Variants in TBL1XR1 observed in about 807,000 individuals in gnomAD.
TBL1XR1 encodes F-box-like/WD repeat-containing protein TBL1XR1.
A neutral mutation model predicts 66.9 loss-of-function variants in TBL1XR1; 5 were observed. That is an observed-to-expected ratio of 0.07 (90% CI 0.04 to 0.16). The LOEUF is 0.16. Ranked by LOEUF, TBL1XR1 falls within the 10% of genes least tolerant of loss-of-function variation. The probability of loss-of-function intolerance (pLI) is 1.00; values close to 1 mark genes in which losing one functional copy is unlikely to be tolerated. For synonymous variants in TBL1XR1, 210 were observed against 206.0 expected (o/e 1.02, Z -0.17); for missense variants, 238 against 623.2 (o/e 0.38, Z 6.58).
intron 1 of TBL1XR1, among the ~76,000 whole-genome samples, chr3:177,176,015 C>T (rs535242907): frequency 4.0e-5 from 6 of 149,422 alleles, no homozygotes; most frequent in Middle Eastern, 3.4e-3. Context: ...GCCCACATAG[C>T]GCCACTGCAC....
chr3:177,110,853 ACTT>A (rs369067619), intron 1 of TBL1XR1: 5 of 152,200 alleles, frequency 3.3e-5, no homozygotes, highest in Admixed American at 6.6e-5. Context: ...TCTAAGGAAT[ACTT>A]CTTCTAGATA....
chr3:177,044,726 T>C (rs1560110414), intron 10 of TBL1XR1: 1 of 152,194 alleles, frequency 6.6e-6, no homozygotes, highest in Non-Finnish European at 1.5e-5. Context: ...ATGGGTAAAC[T>C]GAAGCTTATT....
At chr3:177,169,280 A>T (rs1308925870) in intron 1 of TBL1XR1, among the ~76,000 whole-genome samples, 1 of 152,226 alleles carries the variant, frequency 6.6e-6, no homozygotes, top group African/African-American at 2.4e-5. Flanking sequence ...CTAAAGGAGA[A>T]ATAAGTTATA....
At chr3:177,038,547 T>C (rs1715129961) in intron 10 of TBL1XR1, 113 bp from the exon 11 acceptor site, 2 of 1,029,724 alleles carry the variant, frequency 1.9e-6, no homozygotes, top group Non-Finnish European at 2.6e-6. Context: ...ACTTAAACAT[T>C]TTACTTTATA....
chr3:177,046,547 A>C (rs1716352472), intron 9 of TBL1XR1, among the ~76,000 whole-genome samples: 1 of 152,304 alleles, frequency 6.6e-6, no homozygotes. Flanking sequence ...TTAACAACGT[A>C]ATCAGTTCTC....
intron 1 of TBL1XR1, among the ~76,000 whole-genome samples, chr3:177,131,909 A>T (rs867292380): frequency 0.021 from 1,282 of 60,640 alleles, 17 homozygotes; most frequent in African/African-American, 0.047. Flanking sequence ...GGAAGTTTAA[A>T]AAAAAAAAAA....
intron 1 of TBL1XR1, among the ~76,000 whole-genome samples, chr3:177,181,805 G>GT (rs1285841454): frequency 3.5e-5 from 5 of 141,026 alleles, no homozygotes; most frequent in East Asian, 2.0e-4. Context: ...TCAGGTAAAC[G>GT]TAAGGGTTCA....
chr3:177,154,676 T>C (rs1315439552), intron 1 of TBL1XR1, among the ~76,000 whole-genome samples: 1 of 152,140 alleles, frequency 6.6e-6, no homozygotes, highest in Admixed American at 6.6e-5. Flanking sequence ...ATTACAGGCA[T>C]GAGCCACCGC....
At chr3:177,062,561 T>C (rs1215041345) in intron 3 of TBL1XR1, among the ~76,000 whole-genome samples, 1 of 152,202 alleles carries the variant, frequency 6.6e-6, no homozygotes, top group Non-Finnish European at 1.5e-5. Context: ...GTCTGATCTT[T>C]CCCTATAAAT....
At chr3:177,148,830 C>T (rs1176391199) in intron 1 of TBL1XR1, among the ~76,000 whole-genome samples, 1 of 151,982 alleles carries the variant, frequency 6.6e-6, no homozygotes, top group Non-Finnish European at 1.5e-5. Flanking sequence ...CATGGAGAAA[C>T]CCTGCCTCTA....
intron 12 of TBL1XR1, among the ~76,000 whole-genome samples, chr3:177,035,382 G>C (rs1388381771): frequency 6.8e-6 from 1 of 147,684 alleles, no homozygotes; most frequent in African/African-American, 2.5e-5. Context: ...TTCTTACTCT[G>C]TACTACCTAC....
intron 10 of TBL1XR1, among the ~76,000 whole-genome samples, chr3:177,039,484 C>G (rs1000367368): frequency 1.3e-5 from 2 of 152,170 alleles, no homozygotes; most frequent in African/African-American, 4.8e-5. Context: ...AAAATCTGTT[C>G]TTGTCAAACA....
chr3:177,060,805 A>G (rs556056508), intron 3 of TBL1XR1, among the ~76,000 whole-genome samples: 2 of 152,378 alleles, frequency 1.3e-5, no homozygotes, highest in South Asian at 4.1e-4. Flanking sequence ...ATTTATCTGC[A>G]TATGGTTGCT....
At chr3:177,096,288 TG>T (rs1407848359) in intron 2 of TBL1XR1, among the ~76,000 whole-genome samples, 2 of 151,804 alleles carry the variant, frequency 1.3e-5, no homozygotes, top group Non-Finnish European at 2.9e-5. Context: ...GCAAGTTTGC[TG>T]TAATCTTGGT....
At chr3:177,173,785 T>C (rs538933437) in intron 1 of TBL1XR1, among the ~76,000 whole-genome samples, 1 of 152,328 alleles carries the variant, frequency 6.6e-6, no homozygotes, top group South Asian at 2.1e-4. Context: ...GGTAAGACTG[T>C]AATACTGAGG....
In TBL1XR1 at chr3:177,023,066, GCTGT is replaced by G. The variant is rs1343087034; in HGVS notation, c.*2428_*2431del. On this transcript the variant is annotated 3_prime_UTR_variant, in exon 16 of 16. Coordinates refer to ENST00000457928, the MANE Select transcript of TBL1XR1 (RefSeq NM_024665.7). ...AAGATGACAATATCATAAAAATGTA[GCTGT>G]CTATTTTGGCAGCTATATTGCAGAA... The G allele has an allele frequency of 3.3e-5, 5 of 151,890 alleles. No individual in the cohort carries two copies. Among genetic ancestry groups the G allele is most frequent in the South Asian group, 2.1e-4 (1 of 4,800 alleles). The allele number at this position is 151,890 out of a possible 1,614,324, so 9.4% of individuals were successfully genotyped here.
At chr3:177,078,185 T>C (rs1720923644) in intron 2 of TBL1XR1, among the ~76,000 whole-genome samples, 1 of 152,238 alleles carries the variant, frequency 6.6e-6, no homozygotes, top group Non-Finnish European at 1.5e-5. Flanking sequence ...ATCTTTTGCC[T>C]GTTTTAACAA....
At chr3:177,103,343 G>A (rs1029941470) in intron 1 of TBL1XR1, among the ~76,000 whole-genome samples, 2 of 152,160 alleles carry the variant, frequency 1.3e-5, no homozygotes, top group Non-Finnish European at 2.9e-5. Flanking sequence ...TTTACTTCTT[G>A]TAATAAAATA....
In TBL1XR1 at chr3:177,104,701, A is replaced by C. The variant is rs113227653; in HGVS notation, c.-121-6160T>G. 2.2e-3 allele frequency among the ~76,000 whole-genome samples: 341 copies of C among 152,326 alleles called. 1 individual carries two copies. The highest frequency in any genetic ancestry group is 7.8e-3 in the African/African-American group (323 of 41,582). ...CAATTTTTAAAAATAAGCTATTCTC[A>C]AGACCACATACTCACATAAAAAGAA... is the stretch of plus-strand genomic sequence containing the variant. On this transcript the variant is annotated intron_variant, in intron 1 of 15. Transcript: ENST00000457928.
Sources: gnomAD v4.1 joint callset for allele counts (sites outside exome capture counted in the v4.1 genomes callset) on GRCh38, gnomAD v4.1.1 for gene constraint, MANE v1.5 for transcripts, NCBI Gene and HGNC (gene_info 2026-07-23, HGNC 2026-07-21) for gene names.